Variants in ARHGEF28 observed in about 807,000 individuals in gnomAD.
ARHGEF28 encodes the protein Rho guanine nucleotide exchange factor 28.
ARHGEF28 carries 152 observed loss-of-function variants against 206.6 expected under a neutral mutation model. That is an observed-to-expected ratio of 0.74 (90% confidence interval 0.64 to 0.84). The LOEUF is 0.84. ARHGEF28 is among the 40% of genes least tolerant of loss of function. The probability of loss-of-function intolerance (pLI) is 0.00; values close to 1 mark genes in which losing one functional copy is unlikely to be tolerated. For synonymous variants in ARHGEF28, 763 were observed against 776.4 expected, an observed-to-expected ratio of 0.98 and a Z score of 0.29; for missense variants, 2,028 against 2,073.2, an observed-to-expected ratio of 0.98 and a Z score of 0.42.
chr5:73,658,908 G>A (rs984301991), intron 1 of ARHGEF28, among the ~76,000 whole-genome samples: 1 of 151,102 alleles, frequency 6.6e-6, no homozygotes, highest in African/African-American at 2.4e-5. Flanking sequence ...CTTCACAAAT[G>A]TGTAATATAA....
intron 6 of ARHGEF28, chr5:73,780,346 G>C (rs890018219): frequency 1.4e-4 from 41 of 295,226 alleles, no homozygotes; most frequent in Non-Finnish European, 2.0e-4. Context: ...GCACAGGCCA[G>C]AAGCCCTTCT....
intron 4 of ARHGEF28, among the ~76,000 whole-genome samples, chr5:73,761,955 C>G (rs1177984251): frequency 6.6e-6 from 1 of 151,206 alleles, no homozygotes; most frequent in Non-Finnish European, 1.5e-5. Flanking sequence ...CTCATCCTCC[C>G]TAGTAACTGG....
At chr5:73,857,598 C>A in intron 14 of ARHGEF28, 58 bp from the exon 15 acceptor site, 7 of 1,507,802 alleles carry the variant, frequency 4.6e-6, no homozygotes, top group Non-Finnish European at 6.3e-6. Context: ...TACACACACA[C>A]GTATATGCTA....
At chr5:73,797,656 T>A (rs976161957) in intron 9 of ARHGEF28, among the ~76,000 whole-genome samples, 10 of 152,198 alleles carry the variant, frequency 6.6e-5, no homozygotes, top group Non-Finnish European at 8.8e-5. Context: ...AGTGCTGGGA[T>A]TACAGTCATG....
chr5:73,826,378 T>G (rs1384389778), intron 9 of ARHGEF28, among the ~76,000 whole-genome samples: 1 of 152,186 alleles, frequency 6.6e-6, no homozygotes, highest in East Asian at 1.9e-4. Flanking sequence ...ATACAATGAA[T>G]GAATGAAACC....
intron 29 of ARHGEF28, among the ~76,000 whole-genome samples, chr5:73,895,105 A>G (rs1456669069): frequency 6.6e-6 from 1 of 152,164 alleles, no homozygotes; most frequent in Non-Finnish European, 1.5e-5. Context: ...TTGGAATTTC[A>G]TCCTGAGTGG....
intron 2 of ARHGEF28, among the ~76,000 whole-genome samples, chr5:73,747,756 G>T (rs1210778520): frequency 1.3e-5 from 2 of 152,086 alleles, no homozygotes; most frequent in Non-Finnish European, 2.9e-5. Context: ...TCCTTAATGG[G>T]CATGTCTTAT....
At chr5:73,895,837 C>T (rs1039123511) in intron 29 of ARHGEF28, among the ~76,000 whole-genome samples, 1 of 152,164 alleles carries the variant, frequency 6.6e-6, no homozygotes, top group Non-Finnish European at 1.5e-5. Flanking sequence ...GTTTGCCAGC[C>T]TCTGGTTTAG....
chr5:73,898,006 G>A lies in ARHGEF28; in HGVS notation c.3886G>A (p.Val1296Met), dbSNP rs368673332. The A allele has an allele frequency of 1.2e-5, 19 of 1,602,728 alleles. No individual in the cohort carries two copies. The highest frequency in any genetic ancestry group is 1.6e-4 in the Middle Eastern group (1 of 6,076). ...AGTGAAGGCCTCACAGATGGGCGCC[G>A]TGAGTCAATCATGTGAGGACAGTTG... ...VAVKASQMGAVSQSCEDSCGD... is the reference protein window; with the variant it reads ...VAVKASQMGAMSQSCEDSCGD... The change falls in exon 30 of 36, where the codon GTG (valine) becomes ATG (methionine). Residue 1296 changes from valine (V) to methionine (M), a missense_variant. Physicochemically the swap from Val to Met is conservative, Grantham distance 21 (BLOSUM62 1). Coordinates refer to ENST00000513042, the MANE Select transcript of ARHGEF28 (RefSeq NM_001177693.2).
At chr5:73,805,077 C>T (rs752057151) in intron 9 of ARHGEF28, among the ~76,000 whole-genome samples, 24 of 152,146 alleles carry the variant, frequency 1.6e-4, no homozygotes, top group South Asian at 8.3e-4. Flanking sequence ...ATTTATTTTG[C>T]ACTTTGGGTA....
chr5:73,892,273 C>T, intron 27 of ARHGEF28, 43 bp downstream of exon 27: 1 of 1,523,836 alleles, frequency 6.6e-7, no homozygotes, highest in Non-Finnish European at 8.9e-7. Context: ...CAGAGTTGTT[C>T]AACTGGGGAA....
intron 35 of ARHGEF28, among the ~76,000 whole-genome samples, chr5:73,930,918 C>T (rs1764082164): frequency 6.6e-6 from 1 of 152,188 alleles, no homozygotes; most frequent in South Asian, 2.1e-4. Context: ...CACCCAGGGC[C>T]ATCCCTTCTC....
intron 7 of ARHGEF28, among the ~76,000 whole-genome samples, chr5:73,790,600 T>C (rs1481487858): frequency 6.7e-6 from 1 of 150,262 alleles, no homozygotes; most frequent in Non-Finnish European, 1.5e-5. Flanking sequence ...TTTCTGTAAA[T>C]AAGTGCCTCA....
intron 1 of ARHGEF28, among the ~76,000 whole-genome samples, chr5:73,672,134 G>C (rs1402877194): frequency 6.6e-6 from 1 of 152,100 alleles, no homozygotes; most frequent in Non-Finnish European, 1.5e-5. Context: ...AATTAAGAGT[G>C]TTATTGCTGG....
chr5:73,864,175 C>G (rs145564457), intron 16 of ARHGEF28, among the ~76,000 whole-genome samples: 2 of 152,150 alleles, frequency 1.3e-5, no homozygotes, highest in Admixed American at 6.5e-5. Context: ...ATGAGGACAG[C>G]CTCAGTGTCT....
At chr5:73,783,386 AT>A (rs1753965510) in intron 7 of ARHGEF28, among the ~76,000 whole-genome samples, 2 of 38,760 alleles carry the variant, frequency 5.2e-5, no homozygotes, top group Admixed American at 2.7e-4. Flanking sequence ...GTGTGTGTGT[AT>A]GTGTGTGTGT....
rs1290616256 is a variant in ARHGEF28, at chr5:73,919,261, A to T, written c.4948+7686A>T. On this transcript the variant is annotated intron_variant, in intron 35 of 35. Coordinates refer to ENST00000513042, the MANE Select transcript of ARHGEF28 (RefSeq NM_001177693.2). The stretch of plus-strand genomic sequence containing the variant: ...TAGAAAGCCAATAGTTTAAAATATA[A>T]AATAATTAGCTGTAAATTGGGAAAT... 2.6e-5 allele frequency among the ~76,000 whole-genome samples: 4 copies of T among 152,230 alleles called. No homozygotes were observed. The East Asian group carries it at 7.7e-4, about 29-fold the overall frequency.
At chr5:73,669,624 A>G (rs1044533631) in intron 1 of ARHGEF28, among the ~76,000 whole-genome samples, 1 of 152,246 alleles carries the variant, frequency 6.6e-6, no homozygotes. Flanking sequence ...TAGTCTTAAT[A>G]TAACAACGAA....
intron 7 of ARHGEF28, among the ~76,000 whole-genome samples, chr5:73,790,348 C>A (rs1473015362): frequency 3.3e-5 from 5 of 151,274 alleles, no homozygotes; most frequent in African/African-American, 1.2e-4. Context: ...AAAAGAAACA[C>A]AAGTAATTTA....
Sources: gnomAD v4.1 joint callset for allele counts (sites outside exome capture counted in the v4.1 genomes callset) on GRCh38, gnomAD v4.1.1 for gene constraint, MANE v1.5 for transcripts, NCBI Gene and HGNC (gene_info 2026-07-23, HGNC 2026-07-21) for gene names.